Variants in GNB1 observed in about 807,000 individuals in gnomAD.
GNB1 encodes G protein subunit beta 1, also known as guanine nucleotide-binding protein G(I)/G(S)/G(T) subunit beta-1.
Under a neutral mutation model 42.9 loss-of-function variants are expected in GNB1, and 2 were observed. That is an observed-to-expected ratio of 0.05 (90% CI 0.02 to 0.15). The LOEUF (loss-of-function observed/expected upper bound fraction) is 0.15. GNB1 is among the 10% of genes least tolerant of loss of function. The pLI, the probability that GNB1 is intolerant of heterozygous loss-of-function variation, is 1.00. For missense variants in GNB1, 193 were observed against 462.2 expected (o/e 0.42, Z 5.34); for synonymous variants, 183 against 174.7 (o/e 1.05, Z -0.38).
chr1:1,882,054 G>A (rs540572891), intron 1 of GNB1, among the ~76,000 whole-genome samples: 16 of 152,142 alleles, frequency 1.1e-4, no homozygotes, highest in Middle Eastern at 6.8e-3. Flanking sequence ...ACTGCCCTCC[G>A]CTCTGTGCCT....
At chr1:1,794,903 T>C (rs1463361084) in intron 7 of GNB1, among the ~76,000 whole-genome samples, 2 of 152,166 alleles carry the variant, frequency 1.3e-5, no homozygotes, top group Non-Finnish European at 2.9e-5. Context: ...TTGGTCAGGA[T>C]GGTCTTGATC....
intron 5 of GNB1, among the ~76,000 whole-genome samples, chr1:1,810,477 A>G (rs1557894433): frequency 6.7e-6 from 1 of 149,048 alleles, no homozygotes; most frequent in Non-Finnish European, 1.5e-5. Context: ...TCAAGGCTTC[A>G]GTAAGCTAGG....
In GNB1 at chr1:1,842,622, C is replaced by T. The variant is rs779928696; in HGVS notation, c.-95-3384G>A. On this transcript the variant is annotated intron_variant, in intron 1 of 11. Transcript: ENST00000378609. ...GGTTGCCAGGGGCTGCATGTGTCTGCGTGTGCATGCACATGTGTGTGCAGT... is the reference window on the plus strand; with the variant it reads ...GGTTGCCAGGGGCTGCATGTGTCTGTGTGTGCATGCACATGTGTGTGCAGT... Among the ~76,000 whole-genome samples, 5 of 152,118 alleles carry T rather than the reference C, an allele frequency of 3.3e-5. 1 individual carries two copies. Among genetic ancestry groups the T allele is most frequent in the Non-Finnish European group, 7.4e-5 (5 of 68,020 alleles).
intron 7 of GNB1, among the ~76,000 whole-genome samples, chr1:1,799,202 G>C (rs1646590670): frequency 1.3e-5 from 2 of 152,154 alleles, no homozygotes; most frequent in Non-Finnish European, 2.9e-5. Flanking sequence ...TTACAGGCGT[G>C]AGCCACCGCG....
intron 1 of GNB1, among the ~76,000 whole-genome samples, chr1:1,869,861 ATCTTT>A (rs1350164489): frequency 6.6e-6 from 1 of 152,064 alleles, no homozygotes; most frequent in Non-Finnish European, 1.5e-5. Context: ...TTCAAAAACA[ATCTTT>A]TCTTTTTTTT....
chr1:1,863,338 C>T (rs1018310584), intron 1 of GNB1, among the ~76,000 whole-genome samples: 3 of 152,094 alleles, frequency 2.0e-5, no homozygotes, highest in African/African-American at 7.2e-5. Context: ...TTATAGCCAA[C>T]CTGAGTAATA....
At chr1:1,839,425 A>G (rs1184365472) in intron 1 of GNB1, among the ~76,000 whole-genome samples, 187 bp from the exon 2 acceptor site, 9 of 152,240 alleles carry the variant, frequency 5.9e-5, no homozygotes, top group Non-Finnish European at 7.3e-5. Context: ...GGAACAAAAT[A>G]AGAAATCAGA....
intron 1 of GNB1, among the ~76,000 whole-genome samples, chr1:1,889,848 T>G (rs986321608): frequency 1.3e-5 from 2 of 152,126 alleles, no homozygotes; most frequent in African/African-American, 4.8e-5. Flanking sequence ...GACAGCCCTG[T>G]GGAATTTTCA....
chr1:1,860,504 G>C (rs1299642015), intron 1 of GNB1, among the ~76,000 whole-genome samples: 2 of 152,064 alleles, frequency 1.3e-5, no homozygotes, highest in African/African-American at 4.8e-5. Context: ...AGTCGTGGTG[G>C]TGGGCGCCTG....
chr1:1,837,221 C>G (rs10752417), intron 2 of GNB1, among the ~76,000 whole-genome samples: 125,798 of 151,524 alleles, frequency 0.83, 54,067 homozygotes, highest in Non-Finnish European at 0.95. Context: ...TCTAATTTTA[C>G]GTTTTATATT....
chr1:1,865,279 CA>C (rs1553204390), intron 1 of GNB1, among the ~76,000 whole-genome samples: 5 of 127,022 alleles, frequency 3.9e-5, no homozygotes, highest in African/African-American at 1.5e-4. Context: ...AAAAAAAAAA[CA>C]AAAAAAAACC....
At chr1:1,863,835 A>G (rs544162828) in intron 1 of GNB1, among the ~76,000 whole-genome samples, 4 of 152,306 alleles carry the variant, frequency 2.6e-5, no homozygotes, top group African/African-American at 9.6e-5. Context: ...CACATAATTG[A>G]TAACATTTTT....
In GNB1 at chr1:1,790,095, G is replaced by T. The variant is rs1308138039; in HGVS notation, c.699+300C>A. Among the ~76,000 whole-genome samples, 1 of 152,190 alleles carries T rather than the reference G, an allele frequency of 6.6e-6. No homozygotes were observed. Among genetic ancestry groups the T allele is most frequent in the Non-Finnish European group, 1.5e-5 (1 of 68,032 alleles). On this transcript the variant is annotated intron_variant, in intron 9 of 11. Coordinates refer to ENST00000378609, the MANE Select transcript of GNB1 (RefSeq NM_002074.5). This position sits in a 1 kb window ranked among gnomAD's most constrained non-coding sequence, Gnocchi z 5.4. Reference sequence around the variant, plus strand: ...GTTAGCTGTGCCCCTGACCAGTAAGGCTCTGTAACCACTGGTGGCCTGAGT... The same window carrying T: ...GTTAGCTGTGCCCCTGACCAGTAAGTCTCTGTAACCACTGGTGGCCTGAGT...
chr1:1,828,369 T>C (rs1570679126), intron 2 of GNB1, among the ~76,000 whole-genome samples: 1 of 152,096 alleles, frequency 6.6e-6, no homozygotes, highest in Non-Finnish European at 1.5e-5. Flanking sequence ...TGGGTGGGTG[T>C]GTAAAGGCCC....
intron 2 of GNB1, among the ~76,000 whole-genome samples, chr1:1,836,125 A>C (rs533257804): frequency 1.8e-4 from 28 of 151,550 alleles, no homozygotes; most frequent in East Asian, 1.6e-3. Flanking sequence ...AACAAAAAAA[A>C]CCAACTCTTT....
At chr1:1,868,205 C>T (rs146801104) in intron 1 of GNB1, among the ~76,000 whole-genome samples, 11 of 151,820 alleles carry the variant, frequency 7.2e-5, no homozygotes, top group African/African-American at 2.2e-4. Flanking sequence ...GACGGAGTTT[C>T]GCTCTTTTTG....
chr1:1,884,506 C>A (rs1302066463), intron 1 of GNB1, among the ~76,000 whole-genome samples: 1 of 152,110 alleles, frequency 6.6e-6, no homozygotes, highest in African/African-American at 2.4e-5. Context: ...GCCACCACAC[C>A]CAGCCCAGAA....
At chr1:1,889,921 G>T (rs547907729) in intron 1 of GNB1, among the ~76,000 whole-genome samples, 2 of 151,778 alleles carry the variant, frequency 1.3e-5, no homozygotes, top group African/African-American at 4.8e-5. Context: ...CAGGCAAGAG[G>T]AAGACACCCA....
In GNB1 at chr1:1,785,774, G is replaced by C; in HGVS notation, c.*1289C>G. ...CCCTCTCTCTCCCTCCCCACCCTCA[G>C]AATCCAACAGCAGTCGTTTGCAACA... On this transcript the variant is annotated 3_prime_UTR_variant, in exon 12 of 12. Transcript: ENST00000378609. 3 of 320,592 alleles carry C rather than the reference G, an allele frequency of 9.4e-6. No homozygotes were observed. The highest frequency in any genetic ancestry group is 4.6e-5 in the East Asian group (1 of 21,894). 19.9% of individuals were successfully genotyped at this position (320,592 alleles called of 1,614,324 possible).
Sources: gnomAD v4.1 joint callset for allele counts (sites outside exome capture counted in the v4.1 genomes callset) on GRCh38, gnomAD v4.1.1 for gene constraint, Gnocchi (gnomAD v3.1) non-coding constraint, MANE v1.5 for transcripts, NCBI Gene and HGNC (gene_info 2026-07-23, HGNC 2026-07-21) for gene names.